CLYBL: variants seen among roughly 807,000 people sequenced by gnomAD.
CLYBL encodes citramalyl-CoA lyase, also known as citramalyl-CoA lyase, mitochondrial.
CLYBL carries 31 observed loss-of-function variants against 38.9 expected under a neutral mutation model. The ratio of observed to expected loss-of-function variants is 0.80; its 90% confidence interval spans 0.60 to 1.08. The LOEUF (loss-of-function observed/expected upper bound fraction) is 1.08, where lower values mean the gene tolerates loss of function less well. CLYBL is among the 50% of genes least tolerant of loss of function. The probability of loss-of-function intolerance (pLI) is 0.00; values close to 1 mark genes in which losing one functional copy is unlikely to be tolerated. For synonymous variants in CLYBL, 171 were observed against 158.6 expected (o/e 1.08, Z -0.59); for missense variants, 434 against 411.6 (o/e 1.05, Z -0.47).
chr13:99,640,881 A>T (rs1321140624), intron 1 of CLYBL, among the ~76,000 whole-genome samples: 2 of 152,238 alleles, frequency 1.3e-5, no homozygotes, highest in African/African-American at 4.8e-5. Context: ...ATATACGAAT[A>T]TATGGTGGAC....
intron 1 of CLYBL, among the ~76,000 whole-genome samples, chr13:99,696,482 G>T (rs1224729545): frequency 6.6e-6 from 1 of 152,002 alleles, no homozygotes; most frequent in Non-Finnish European, 1.5e-5. Context: ...CTTCCAAAGT[G>T]CAGGGTTATA....
intron 1 of CLYBL, among the ~76,000 whole-genome samples, chr13:99,629,096 G>A (rs1321177533): frequency 6.6e-6 from 1 of 152,212 alleles, no homozygotes; most frequent in East Asian, 1.9e-4. Context: ...GAGCCCTGGG[G>A]TTGGGGGAAC....
chr13:99,762,394 G>C (rs2049183352), intron 1 of CLYBL, among the ~76,000 whole-genome samples: 1 of 152,174 alleles, frequency 6.6e-6, no homozygotes, highest in African/African-American at 2.4e-5. Flanking sequence ...TATTTATCCA[G>C]CTTTCCCAGC....
intron 2 of CLYBL, among the ~76,000 whole-genome samples, chr13:99,841,478 C>A (rs951401558): frequency 2.6e-5 from 4 of 152,208 alleles, no homozygotes; most frequent in African/African-American, 9.6e-5. Context: ...CAGCTCACTG[C>A]AACCTCCGCC....
intron 1 of CLYBL, among the ~76,000 whole-genome samples, chr13:99,708,217 G>A (rs965360787): frequency 6.6e-6 from 1 of 152,030 alleles, no homozygotes; most frequent in Non-Finnish European, 1.5e-5. Flanking sequence ...CTGACCTCAG[G>A]TGATCCACCC....
chr13:99,853,810 C>A (rs12866973), intron 2 of CLYBL, among the ~76,000 whole-genome samples: 25,917 of 152,048 alleles, frequency 0.17, 3,560 homozygotes, highest in African/African-American at 0.38. Context: ...TGAAAAAGGC[C>A]GTCCTTAAAT....
chr13:99,880,300 A>G (rs2052171834), intron 7 of CLYBL, among the ~76,000 whole-genome samples: 1 of 152,046 alleles, frequency 6.6e-6, no homozygotes, highest in South Asian at 2.1e-4. Context: ...CCTGACCTCA[A>G]GTGATCTGCC....
intron 1 of CLYBL, among the ~76,000 whole-genome samples, chr13:99,655,058 C>T (rs2047310341): frequency 6.6e-6 from 1 of 151,798 alleles, no homozygotes; most frequent in African/African-American, 2.4e-5. Flanking sequence ...GATGGCCCAG[C>T]ACTATGGTGT....
intron 1 of CLYBL, among the ~76,000 whole-genome samples, chr13:99,719,594 C>T (rs781260059): frequency 6.6e-6 from 1 of 152,112 alleles, no homozygotes; most frequent in African/African-American, 2.4e-5. Context: ...GCAACCTCCA[C>T]CTCCTGGGTT....
At chr13:99,787,982 A>G (rs2049834218) in intron 2 of CLYBL, among the ~76,000 whole-genome samples, 1 of 152,220 alleles carries the variant, frequency 6.6e-6, no homozygotes, top group Admixed American at 6.5e-5. Flanking sequence ...GAGTTCACTC[A>G]TGATTTGGCT....
chr13:99,871,350 G>T (rs993074147), intron 7 of CLYBL, among the ~76,000 whole-genome samples: 2 of 152,128 alleles, frequency 1.3e-5, no homozygotes, highest in Non-Finnish European at 2.9e-5. Flanking sequence ...TTTCTCTACA[G>T]ACTTCTATGC....
intron 2 of CLYBL, among the ~76,000 whole-genome samples, chr13:99,799,524 C>T (rs1035010776): frequency 3.3e-5 from 5 of 152,230 alleles, no homozygotes; most frequent in South Asian, 2.1e-4. Flanking sequence ...TTCATTTGCA[C>T]GGGTATCATC....
At chr13:99,767,388 T>G (rs1458467484) in intron 1 of CLYBL, among the ~76,000 whole-genome samples, 5 of 152,242 alleles carry the variant, frequency 3.3e-5, no homozygotes, top group Non-Finnish European at 7.3e-5. Flanking sequence ...CTGGAAGTCT[T>G]TCACTTTTGA....
At chr13:99,763,712 G>A (rs1371712851) in intron 1 of CLYBL, among the ~76,000 whole-genome samples, 1 of 151,670 alleles carries the variant, frequency 6.6e-6, no homozygotes, top group Non-Finnish European at 1.5e-5. Flanking sequence ...ATGCCACCAC[G>A]CCCGGCTAAT....
intron 1 of CLYBL, among the ~76,000 whole-genome samples, chr13:99,680,910 A>G (rs920978805): frequency 2.0e-5 from 3 of 151,962 alleles, no homozygotes; most frequent in African/African-American, 7.3e-5. Context: ...CGCATTTTTC[A>G]TGATGTTTTA....
chr13:99,817,529 C>T (rs1290679220), intron 2 of CLYBL, among the ~76,000 whole-genome samples: 1 of 151,720 alleles, frequency 6.6e-6, no homozygotes, highest in Non-Finnish European at 1.5e-5. Flanking sequence ...GTGGCAGGTG[C>T]CTGTAGTCCC....
chr13:99,607,574 T>C (rs1376471630), intron 1 of CLYBL, among the ~76,000 whole-genome samples: 1 of 152,138 alleles, frequency 6.6e-6, no homozygotes, highest in African/African-American at 2.4e-5. Flanking sequence ...TGCACATACA[T>C]GGTCTCATTT....
intron 1 of CLYBL, among the ~76,000 whole-genome samples, chr13:99,721,291 G>A (rs1382031320): frequency 6.6e-6 from 1 of 151,708 alleles, no homozygotes; most frequent in Non-Finnish European, 1.5e-5. Context: ...TGATCCACCC[G>A]CCTCAGCCTC....
intron 1 of CLYBL, among the ~76,000 whole-genome samples, chr13:99,621,416 TC>T (rs1368237611): frequency 2.0e-5 from 3 of 152,138 alleles, no homozygotes; most frequent in Non-Finnish European, 4.4e-5. Context: ...CAGCCAGCCA[TC>T]TGTCTCGTCC....
Sources: gnomAD v4.1 joint callset for allele counts (sites outside exome capture counted in the v4.1 genomes callset) on GRCh38, gnomAD v4.1.1 for gene constraint, MANE v1.5 for transcripts, NCBI Gene and HGNC (gene_info 2026-07-23, HGNC 2026-07-21) for gene names.